Variants in SCAI observed in about 807,000 individuals in gnomAD.
SCAI encodes suppressor of cancer cell invasion, also known as protein SCAI.
Under a neutral mutation model 92.2 loss-of-function variants are expected in SCAI, and 24 were observed. The ratio of observed to expected loss-of-function variants is 0.26; its 90% CI spans 0.19 to 0.37. The LOEUF (loss-of-function observed/expected upper bound fraction) is 0.37, where lower values mean the gene tolerates loss of function less well. SCAI is among the 10% of genes least tolerant of loss of function. The pLI is 1.00. For synonymous variants in SCAI, 261 were observed against 258.6 expected, an observed-to-expected ratio of 1.01 and a Z score of -0.09; for missense variants, 450 against 736.2, an observed-to-expected ratio of 0.61 and a Z score of 4.50.
chr9:125,019,302 A>G (rs1366508896), intron 7 of SCAI, 97 bp from the exon 8 acceptor site: 6 of 673,420 alleles, frequency 8.9e-6, no homozygotes, highest in Non-Finnish European at 1.5e-5. Flanking sequence ...ACATACTTAC[A>G]AAATTTGATT....
Position 125,091,796 on chromosome 9 carries a change from A to C in SCAI, c.99-35789T>G, listed in dbSNP as rs1013046715. Reference sequence around the variant, plus strand: ...CATCCCCACTTTTCAGCTGATGGCAATTGTTTTATATTTCACTAAAAAACA... The same window carrying C: ...CATCCCCACTTTTCAGCTGATGGCACTTGTTTTATATTTCACTAAAAAACA... On this transcript the variant is annotated intron_variant, in intron 2 of 17. Coordinates refer to ENST00000336505, the MANE Select transcript of SCAI (RefSeq NM_001144877.3). This position sits in a 1 kb window ranked among gnomAD's most constrained non-coding sequence, Gnocchi z 4.3. 6.6e-6 allele frequency among the ~76,000 whole-genome samples: 1 copy of C among 152,114 alleles called. No homozygotes were observed. Among genetic ancestry groups the C allele is most frequent in the Non-Finnish European group, 1.5e-5 (1 of 68,022 alleles).
At chr9:124,999,715 T>C (rs944528120) in intron 13 of SCAI, among the ~76,000 whole-genome samples, 176 bp downstream of exon 13, 7 of 152,208 alleles carry the variant, frequency 4.6e-5, no homozygotes, top group Non-Finnish European at 7.4e-5. Context: ...TTTCCTAGGA[T>C]AGACAGAGCC....
intron 2 of SCAI, among the ~76,000 whole-genome samples, chr9:125,129,335 G>C (rs1480913767): frequency 1.3e-5 from 2 of 150,866 alleles, no homozygotes; most frequent in Non-Finnish European, 2.9e-5. Flanking sequence ...TAACTACTCA[G>C]TTGGCTGAGG....
At chr9:125,099,054 T>C (rs1190581221) in intron 2 of SCAI, among the ~76,000 whole-genome samples, 1 of 152,160 alleles carries the variant, frequency 6.6e-6, no homozygotes, top group East Asian at 1.9e-4. Context: ...GATTTACTTG[T>C]AGGGATTTTG....
At chr9:125,139,095 G>C (rs1835608477) in intron 2 of SCAI, among the ~76,000 whole-genome samples, 2 of 152,118 alleles carry the variant, frequency 1.3e-5, no homozygotes, top group African/African-American at 2.4e-5. Context: ...AAGTACTCCA[G>C]AAAGAAAAAG....
rs869167558 is a variant in SCAI, at chr9:125,004,779, A to ATTTT, written c.862-1213_862-1210dup. On this transcript the variant is annotated intron_variant, in intron 9 of 17. Transcript: ENST00000336505. ...TATATATATATATATATATATATAT[A>ATTTT]TTTTTTTTTTTTTTTTTTTTTTTTT... is the stretch of plus-strand genomic sequence containing the variant. Among the ~76,000 whole-genome samples the ATTTT allele has an allele frequency of 3.8e-4, 5 of 13,172 alleles. 1 individual carries two copies. The highest frequency in any genetic ancestry group is 2.9e-3 in the East Asian group (1 of 340). 8.6% of individuals were successfully genotyped at this position (13,172 alleles called of 152,430 possible). A position where few individuals can be genotyped will look rare whatever the true frequency, so the allele number is the denominator to read the frequency against.
At chr9:124,989,479 G>A (rs758452676) in intron 14 of SCAI, among the ~76,000 whole-genome samples, 2 of 152,070 alleles carry the variant, frequency 1.3e-5, no homozygotes, top group Admixed American at 6.6e-5. Context: ...TACTCAGGAC[G>A]TTGAGAGAGG....
chr9:124,949,410 A>G lies in SCAI; in HGVS notation c.*3397T>C, dbSNP rs1831200309. 6.6e-6 allele frequency: 1 copy of G among 152,242 alleles called. No individual in the cohort carries two copies. Among genetic ancestry groups the G allele is most frequent in the Admixed American group, 6.5e-5 (1 of 15,278 alleles). 9.4% of individuals were successfully genotyped at this position (152,242 alleles called of 1,614,324 possible). A position where few individuals can be genotyped will look rare whatever the true frequency, so the allele number is the denominator to read the frequency against. On this transcript the variant is annotated 3_prime_UTR_variant, in exon 18 of 18. Coordinates refer to ENST00000336505, the MANE Select transcript of SCAI (RefSeq NM_001144877.3). This position sits in a 1 kb window ranked among gnomAD's most constrained non-coding sequence, Gnocchi z 4.0. ...ACTTTCATAAAAAGAAAGAAAAGGC[A>G]AAGTGTTCATGCAAATGTGACCTTC...
At chr9:124,996,831 A>G (rs1420049351) in intron 13 of SCAI, among the ~76,000 whole-genome samples, 1 of 151,176 alleles carries the variant, frequency 6.6e-6, no homozygotes, top group Non-Finnish European at 1.5e-5. Flanking sequence ...GGATTTCACC[A>G]TGTTGCCAGG....
chr9:125,042,708 T>C (rs986121160), intron 3 of SCAI, among the ~76,000 whole-genome samples: 2 of 148,568 alleles, frequency 1.3e-5, no homozygotes, highest in African/African-American at 4.9e-5. Flanking sequence ...TACTTAGGAA[T>C]TATGGCCAGT....
chr9:125,021,879 G>A (rs1164684685), intron 6 of SCAI, among the ~76,000 whole-genome samples: 2 of 151,948 alleles, frequency 1.3e-5, no homozygotes, highest in African/African-American at 4.8e-5. Context: ...TAGCTGGCCT[G>A]CAAATGCAGC....
intron 17 of SCAI, chr9:124,968,933 TTTA>T (rs1831597995): frequency 2.3e-6 from 1 of 433,732 alleles, no homozygotes; most frequent in Admixed American, 3.8e-5. Context: ...ATTTTTCCAA[TTTA>T]TTTTTTGGAA....
Position 124,979,850 on chromosome 9 carries a change from C to T in SCAI, c.1327-3664G>A, listed in dbSNP as rs1831844171. ...GGATCACGAGGTCGGGTGATCGAGA[C>T]CATCCTGGCTAACACGGTGAAACCC... On this transcript the variant is annotated intron_variant, in intron 14 of 17. Coordinates refer to ENST00000336505, the MANE Select transcript of SCAI (RefSeq NM_001144877.3). Among the ~76,000 whole-genome samples the T allele has an allele frequency of 2.0e-5, 3 of 152,006 alleles. No homozygotes were observed. The South Asian group carries it at 6.2e-4, about 32-fold the overall frequency.
At chr9:124,971,053 G>A (rs1488706567) in intron 17 of SCAI, among the ~76,000 whole-genome samples, 1 of 152,032 alleles carries the variant, frequency 6.6e-6, no homozygotes, top group Non-Finnish European at 1.5e-5. Context: ...GACCTCAAGT[G>A]TTCCACCAGC....
At chr9:125,129,788 G>A (rs1835360691) in intron 2 of SCAI, among the ~76,000 whole-genome samples, 1 of 151,546 alleles carries the variant, frequency 6.6e-6, no homozygotes, top group African/African-American at 2.4e-5. Flanking sequence ...TTCAACATTT[G>A]CAACCCTAAT....
chr9:125,135,850 T>C (rs1169017625), intron 2 of SCAI, among the ~76,000 whole-genome samples: 1 of 150,132 alleles, frequency 6.7e-6, no homozygotes, highest in Non-Finnish European at 1.5e-5. Flanking sequence ...ATGTCTGTAA[T>C]CCCAGCTACT....
chr9:124,953,713 T>A (rs781070396), intron 17 of SCAI, among the ~76,000 whole-genome samples: 2 of 150,594 alleles, frequency 1.3e-5, no homozygotes, highest in African/African-American at 4.9e-5. Context: ...GTGCCCGGCC[T>A]AGAAATTCTT....
At chr9:125,021,098 G>T (rs1325738389) in intron 6 of SCAI, among the ~76,000 whole-genome samples, 1 of 152,142 alleles carries the variant, frequency 6.6e-6, no homozygotes, top group Non-Finnish European at 1.5e-5. Context: ...ACAGGAGAGA[G>T]ATAAATGCTT....
chr9:124,965,943 A>G (rs1190831168), intron 17 of SCAI, among the ~76,000 whole-genome samples: 1 of 152,222 alleles, frequency 6.6e-6, no homozygotes, highest in East Asian at 1.9e-4. Context: ...AATTTACTGG[A>G]GAGACAAACT....
Sources: allele counts gnomAD v4.1 joint callset (sites outside exome capture counted in the v4.1 genomes callset), GRCh38; gene constraint gnomAD v4.1.1; non-coding constraint Gnocchi (gnomAD v3.1); transcripts MANE v1.5; gene names NCBI Gene and HGNC (gene_info 2026-07-23, HGNC 2026-07-21).